Variants in GRM3 observed in about 807,000 individuals in gnomAD.
GRM3 encodes metabotropic glutamate receptor 3.
A neutral mutation model predicts 70.5 loss-of-function variants in GRM3; 26 were observed. The ratio of observed to expected loss-of-function variants is 0.37; its 90% CI spans 0.27 to 0.51. The LOEUF (loss-of-function observed/expected upper bound fraction) is 0.51. Among genes scored for constraint, GRM3 ranks in the 20% least tolerant of loss-of-function variants. The pLI is 0.93. For missense variants in GRM3, 859 were observed against 1,123.8 expected, an observed-to-expected ratio of 0.76 and a Z score of 3.37; for synonymous variants, 443 against 434.9, an observed-to-expected ratio of 1.02 and a Z score of -0.23.
Position 86,750,043 on chromosome 7 carries a change from C to CA in GRM3, c.-140-14955dup, listed in dbSNP as rs1238155604. Among the ~76,000 whole-genome samples the CA allele has an allele frequency of 2.6e-5, 4 of 151,296 alleles. No homozygotes were observed. In the East Asian group the frequency reaches 7.7e-4, roughly 29 times the overall value. ...ATGTAAAGCAACTTGCATACAAGTT[C>CA]AAAAAAAATTGGTTACTTTTCCCAT... On this transcript the variant is annotated intron_variant, in intron 1 of 5. Coordinates refer to ENST00000361669, the MANE Select transcript of GRM3 (RefSeq NM_000840.3).
At chr7:86,852,545 T>C (rs1798773357) in intron 5 of GRM3, among the ~76,000 whole-genome samples, 1 of 152,152 alleles carries the variant, frequency 6.6e-6, no homozygotes. Flanking sequence ...AATTAGTACT[T>C]CAAGACAGGT....
At chr7:86,798,543 T>C (rs1232613106) in intron 3 of GRM3, among the ~76,000 whole-genome samples, 2 of 152,208 alleles carry the variant, frequency 1.3e-5, no homozygotes, top group East Asian at 1.9e-4. Context: ...GTACCCCCAT[T>C]GTATATAGGA....
At chr7:86,815,454 T>C (rs1227786234) in intron 3 of GRM3, among the ~76,000 whole-genome samples, 3 of 151,876 alleles carry the variant, frequency 2.0e-5, no homozygotes, top group Non-Finnish European at 2.9e-5. Flanking sequence ...CTATAGATTG[T>C]TAAGGAAATA....
chr7:86,663,619 T>TG, intron 1 of GRM3, among the ~76,000 whole-genome samples: 1 of 151,498 alleles, frequency 6.6e-6, no homozygotes, highest in Admixed American at 6.6e-5. Flanking sequence ...ATGTCTTTTT[T>TG]TTGTTGTTGT....
In GRM3 at chr7:86,786,862, A is replaced by C; in HGVS notation, c.1070A>C (p.Gln357Pro). 1 of 1,614,248 alleles carries C rather than the reference A, an allele frequency of 6.2e-7. No homozygotes were observed. The highest frequency in any genetic ancestry group is 8.5e-7 in the Non-Finnish European group (1 of 1,180,032). The part of the protein sequence containing the change: ...RNPWFRDFWE[Q>P]KFQCSLQNKR... ...CCCTGGTTCCGGGACTTCTGGGAGC[A>C]AAAGTTTCAGTGCAGCCTCCAGAAC... is the stretch of plus-strand genomic sequence containing the variant. Residue 357 changes from glutamine to proline, a missense_variant, in exon 3 of 6, where the codon CAA becomes CCA. Gln to Pro is a moderately conservative substitution (Grantham distance 76). Transcript: ENST00000361669. The surrounding 1 kb of genome is among the most constrained non-coding windows in gnomAD (Gnocchi z 6.0).
chr7:86,725,519 C>T (rs950015295), intron 1 of GRM3, among the ~76,000 whole-genome samples: 14 of 152,152 alleles, frequency 9.2e-5, no homozygotes, highest in Admixed American at 4.6e-4. Flanking sequence ...TCACCACATT[C>T]TATTTGTTAC....
In GRM3 at chr7:86,856,927, TA is replaced by T. The variant is rs530285872; in HGVS notation, c.2566+6385del. On this transcript the variant is annotated intron_variant, in intron 5 of 5. Coordinates refer to ENST00000361669, the MANE Select transcript of GRM3 (RefSeq NM_000840.3). ...GAGGGCCACTTTGGAACATTTATTC[TA>T]ATAACCACATTTCTAGATGAGAAAA... is the stretch of plus-strand genomic sequence containing the variant. Among the ~76,000 whole-genome samples, 13 of 152,252 alleles carry T rather than the reference TA, an allele frequency of 8.5e-5. No homozygotes were observed. In the East Asian group the frequency reaches 2.5e-3, roughly 29 times the overall value.
rs769106872 is a variant in GRM3 at position 86,786,483 on chromosome 7, G to C, written c.691G>C (p.Glu231Gln). The C allele has an allele frequency of 2.5e-6, 4 of 1,614,224 alleles. No individual in the cohort carries two copies. Among genetic ancestry groups the C allele is most frequent in the Admixed American group, 1.7e-5 (1 of 60,038 alleles). Residue 231 changes from glutamate to glutamine, a missense_variant, in exon 3 of 6, where the codon GAG becomes CAG. By Grantham distance (29) the Glu-to-Gln change is conservative. Transcript: ENST00000361669. The surrounding 1 kb of genome is among the most constrained non-coding windows in gnomAD (Gnocchi z 6.0). ...DYGETGIEAFEQEARLRNICI... is the reference protein window; with the variant it reads ...DYGETGIEAFQQEARLRNICI... Reference sequence around the variant, plus strand: ...CGGGGAGACAGGGATCGAGGCCTTCGAGCAGGAAGCCCGCCTGCGCAACAT... The same window carrying C: ...CGGGGAGACAGGGATCGAGGCCTTCCAGCAGGAAGCCCGCCTGCGCAACAT...
intron 1 of GRM3, among the ~76,000 whole-genome samples, chr7:86,695,637 T>C (rs751221679): frequency 2.0e-4 from 31 of 152,164 alleles, no homozygotes; most frequent in Non-Finnish European, 4.0e-4. Context: ...ACTTAAGGCT[T>C]CTAAACTTTA....
At chr7:86,780,930 A>G (rs888297423) in intron 2 of GRM3, among the ~76,000 whole-genome samples, 1 of 152,200 alleles carries the variant, frequency 6.6e-6, no homozygotes, top group Non-Finnish European at 1.5e-5. Flanking sequence ...CTTGAAATAT[A>G]TCATTGCATC....
intron 5 of GRM3, among the ~76,000 whole-genome samples, chr7:86,851,080 T>C (rs954823262): frequency 2.6e-5 from 4 of 152,186 alleles, no homozygotes; most frequent in Non-Finnish European, 4.4e-5. Context: ...TCCTTTAACA[T>C]GAGTGTGTTA....
At chr7:86,845,424 C>A (rs1053286620) in intron 4 of GRM3, among the ~76,000 whole-genome samples, 1 of 151,996 alleles carries the variant, frequency 6.6e-6, no homozygotes, top group South Asian at 2.1e-4. Context: ...ATTTTTGATG[C>A]CTCCTTAAAT....
At chr7:86,722,603 C>CG (rs1331869583) in intron 1 of GRM3, among the ~76,000 whole-genome samples, 7 of 44,574 alleles carry the variant, frequency 1.6e-4, no homozygotes, top group Admixed American at 1.1e-3. Context: ...TGGGGACTGT[C>CG]GGGGGGTGGG....
intron 1 of GRM3, among the ~76,000 whole-genome samples, chr7:86,699,134 C>A (rs759152875): frequency 6.6e-6 from 1 of 152,002 alleles, no homozygotes; most frequent in Non-Finnish European, 1.5e-5. Flanking sequence ...AGGAACCAGA[C>A]GTTTGAGCTT....
chr7:86,764,205 A>G (rs1349351230), intron 1 of GRM3, among the ~76,000 whole-genome samples: 1 of 152,088 alleles, frequency 6.6e-6, no homozygotes, highest in African/African-American at 2.4e-5. Context: ...CTGAAAATAG[A>G]TGAGTTGGCC....
chr7:86,832,929 T>G, intron 3 of GRM3: 2 of 704,214 alleles, frequency 2.8e-6, no homozygotes, highest in Non-Finnish European at 3.5e-6. Flanking sequence ...ACCCGAGTGA[T>G]GAGGAGCTTG....
At chr7:86,840,866 T>A (rs533788958) in intron 4 of GRM3, among the ~76,000 whole-genome samples, 5 of 152,254 alleles carry the variant, frequency 3.3e-5, no homozygotes, top group African/African-American at 1.2e-4. Flanking sequence ...TTACCAGCAA[T>A]TCCTACATCG....
At chr7:86,840,400 T>G (rs549800542) in intron 4 of GRM3, among the ~76,000 whole-genome samples, 2 of 152,312 alleles carry the variant, frequency 1.3e-5, no homozygotes, top group South Asian at 4.1e-4. Context: ...TCATTATTTC[T>G]CTAAAACAGA....
intron 1 of GRM3, among the ~76,000 whole-genome samples, chr7:86,692,492 A>C (rs1794718246): frequency 6.6e-6 from 1 of 152,184 alleles, no homozygotes; most frequent in African/African-American, 2.4e-5. Context: ...GCAATGGCTT[A>C]TGCCTTCACG....
Sources: allele counts gnomAD v4.1 joint callset (sites outside exome capture counted in the v4.1 genomes callset), GRCh38; gene constraint gnomAD v4.1.1; non-coding constraint Gnocchi (gnomAD v3.1); transcripts MANE v1.5; gene names NCBI Gene and HGNC (gene_info 2026-07-23, HGNC 2026-07-21).